ENPP7: variants seen among roughly 807,000 people sequenced by gnomAD.
ENPP7 encodes ectonucleotide pyrophosphatase/phosphodiesterase 7.
In ENPP7, 39 loss-of-function variants were observed where a neutral mutation model predicts 33.6. The observed-to-expected ratio is 1.16, with a 90% CI of 0.90 to 1.52. The LOEUF (loss-of-function observed/expected upper bound fraction) is 1.52, where lower values mean the gene tolerates loss of function less well. Among genes scored for constraint, ENPP7 ranks in the 40% most tolerant of loss-of-function variants. The pLI is 0.00. For missense variants in ENPP7, 594 were observed against 641.0 expected (o/e 0.93, Z 0.79); for synonymous variants, 244 against 274.3 (o/e 0.89, Z 1.09).
chr17:79,732,128 A>ATG (rs1568485066), intron 1 of ENPP7, among the ~76,000 whole-genome samples: 14 of 24,208 alleles, frequency 5.8e-4, no homozygotes, highest in South Asian at 1.2e-3. Flanking sequence ...ATACATATAT[A>ATG]TATGTATATA....
Position 79,730,949 on chromosome 17 carries a change from G to A in ENPP7, c.-191G>A, listed in dbSNP as rs1443635263. 3.3e-5 allele frequency: 20 copies of A among 613,356 alleles called. No homozygotes were observed. The highest frequency in any genetic ancestry group is 8.2e-5 in the South Asian group (4 of 48,680). 38.0% of individuals were successfully genotyped at this position (613,356 alleles called of 1,614,324 possible). ...CTCAAGTTGATGCCACCCCACGCAC[G>A]TGAGGCTGGGACCAGGGGTGGCACT... is the stretch of plus-strand genomic sequence containing the variant. On this transcript the variant is annotated 5_prime_UTR_variant, in exon 1 of 6. It adds an upstream start codon to the 5' untranslated region. Transcript: ENST00000328313.
In ENPP7 at chr17:79,738,855, C is replaced by T. The variant is rs1385187454; in HGVS notation, c.*16+793C>T. The T allele has an allele frequency of 6.6e-6, 1 of 152,130 alleles. No individual in the cohort carries two copies. The highest frequency in any genetic ancestry group is 1.5e-5 in the Non-Finnish European group (1 of 68,090). 9.4% of individuals were successfully genotyped at this position (152,130 alleles called of 1,614,324 possible). A position where few individuals can be genotyped will look rare whatever the true frequency, so the allele number is the denominator to read the frequency against. On this transcript the variant is annotated intron_variant, in intron 5 of 5. Coordinates refer to ENST00000328313, the MANE Select transcript of ENPP7 (RefSeq NM_178543.5). This position sits in a 1 kb window ranked among gnomAD's most constrained non-coding sequence, Gnocchi z 6.2. ...GCAGAAGAAAGTCATTCATTCATCC[C>T]GAAAATATGTAACGGGAGCCAGCTC...
intron 5 of ENPP7, among the ~76,000 whole-genome samples, chr17:79,741,396 C>T (rs1555824532): frequency 6.6e-6 from 1 of 152,222 alleles, no homozygotes; most frequent in Non-Finnish European, 1.5e-5. Flanking sequence ...ACAGAGTCCT[C>T]CTTCCCCAGC....
At chr17:79,731,467 A>G in intron 1 of ENPP7, 75 bp downstream of exon 1, 5 of 1,502,854 alleles carry the variant, frequency 3.3e-6, no homozygotes, top group Non-Finnish European at 4.5e-6. Context: ...CGTGTCGTGC[A>G]GGATAAAGGG....
intron 1 of ENPP7, 53 bp downstream of exon 1, chr17:79,731,445 A>T (rs1217887239): frequency 2.2e-5 from 34 of 1,567,016 alleles, no homozygotes; most frequent in Non-Finnish European, 2.9e-5. Flanking sequence ...GAGAAACCAG[A>T]TGGCACAGAG....
rs373623764 is a variant in ENPP7, at chr17:79,731,274, C to G, written c.135C>G (p.Tyr45Ter). 1.4e-5 allele frequency: 23 copies of G among 1,613,808 alleles called. No homozygotes were observed. Among genetic ancestry groups the G allele is most frequent in the Admixed American group, 1.7e-5 (1 of 60,000 alleles). Residue 45 changes from tyrosine to a stop codon, truncating the protein, a stop_gained, in exon 1 of 6, where the codon TAC becomes TAG. Transcript: ENST00000328313. LOFTEE classifies it high-confidence loss of function. ...CCTTCGACGGCTTCCGCTGGAACTA[C>G]GACCAGGACGTGGACACCCCCAACC... ...LVSFDGFRWN[Y>*]DQDVDTPNLD...
chr17:79,734,052 C>T (rs1414146987), intron 2 of ENPP7, among the ~76,000 whole-genome samples: 1 of 152,178 alleles, frequency 6.6e-6, no homozygotes, highest in African/African-American at 2.4e-5. Flanking sequence ...ACGACTTTCT[C>T]CCTTTCCACA....
chr17:79,731,416 C>T (rs372093473), intron 1 of ENPP7, 24 bp downstream of exon 1: 2 of 1,592,196 alleles, frequency 1.3e-6, no homozygotes, highest in South Asian at 1.1e-5. Context: ...TGTGACGGGG[C>T]CTGGGGGTGG....
intron 5 of ENPP7, 114 bp from the exon 6 acceptor site, chr17:79,741,680 A>G (rs1555824640): frequency 1.7e-5 from 1 of 58,090 alleles, no homozygotes; most frequent in East Asian, 1.7e-3. Flanking sequence ...CCTGTTTCCC[A>G]CGACCCCTCC....
rs1598203668 is a variant in ENPP7, at chr17:79,738,104, C to A, written c.*16+42C>A. On this transcript the variant is annotated intron_variant, in intron 5 of 5. Transcript: ENST00000328313. This position sits in a 1 kb window ranked among gnomAD's most constrained non-coding sequence, Gnocchi z 6.2. ...GCAGAGGCGGGAGGGTGGCCCCACG[C>A]TCCCTGACCCTCCACCCTGATGTCC... 1 of 1,580,156 alleles carries A rather than the reference C, an allele frequency of 6.3e-7. No individual in the cohort carries two copies. Among genetic ancestry groups the A allele is most frequent in the Non-Finnish European group, 8.6e-7 (1 of 1,164,812 alleles).
chr17:79,737,841 C>A lies in ENPP7; in HGVS notation c.1247-75C>A. On this transcript the variant is annotated intron_variant, in intron 4 of 5. Coordinates refer to ENST00000328313, the MANE Select transcript of ENPP7 (RefSeq NM_178543.5). This position sits in a 1 kb window ranked among gnomAD's most constrained non-coding sequence, Gnocchi z 5.5. ...GGGGCTCGTGGGGACCAACAGAGGACCCCGAGTTTACTGTGGAGAGGCTGG... is the reference window on the plus strand; with the variant it reads ...GGGGCTCGTGGGGACCAACAGAGGAACCCGAGTTTACTGTGGAGAGGCTGG... The A allele has an allele frequency of 1.3e-6, 2 of 1,541,838 alleles. No individual in the cohort carries two copies. Among genetic ancestry groups the A allele is most frequent in the Non-Finnish European group, 1.8e-6 (2 of 1,123,008 alleles).
chr17:79,735,694 C>A lies in ENPP7; in HGVS notation c.1026+25C>A. 1 of 1,578,130 alleles carries A rather than the reference C, an allele frequency of 6.3e-7. No homozygotes were observed. Among genetic ancestry groups the A allele is most frequent in the East Asian group, 2.3e-5 (1 of 44,404 alleles). Reference sequence around the variant, plus strand: ...GGTGAGTCGCCTGCTGGAGGCACCACCTCCAGGGGCTCCCTCCCCAGGCTC... The same window carrying A: ...GGTGAGTCGCCTGCTGGAGGCACCAACTCCAGGGGCTCCCTCCCCAGGCTC... On this transcript the variant is annotated intron_variant, in intron 3 of 5. Coordinates refer to ENST00000328313, the MANE Select transcript of ENPP7 (RefSeq NM_178543.5). The surrounding 1 kb of genome is among the most constrained non-coding windows in gnomAD (Gnocchi z 5.5).
At chr17:79,736,521 G>A (rs1555823604) in intron 3 of ENPP7, among the ~76,000 whole-genome samples, 3 of 150,662 alleles carry the variant, frequency 2.0e-5, no homozygotes, top group Admixed American at 6.6e-5. Context: ...TCATGACCAG[G>A]CACTGTGTGA....
rs927452463 is a variant in ENPP7 at position 79,741,128 on chromosome 17, G to C, written c.*17-666G>C. 2.0e-5 allele frequency among the ~76,000 whole-genome samples: 3 copies of C among 151,992 alleles called. No homozygotes were observed. The South Asian group carries it at 6.2e-4, about 32-fold the overall frequency. Reference sequence around the variant, plus strand: ...GCCTCCTGAGTAGCTGAGACTACAGGTGTGCACCACCATGCCCAACTAATT... The same window carrying C: ...GCCTCCTGAGTAGCTGAGACTACAGCTGTGCACCACCATGCCCAACTAATT... On this transcript the variant is annotated intron_variant, in intron 5 of 5. Coordinates refer to ENST00000328313, the MANE Select transcript of ENPP7 (RefSeq NM_178543.5).
chr17:79,738,426 C>T lies in ENPP7; in HGVS notation c.*16+364C>T, dbSNP rs1018888029. 5.7e-5 allele frequency: 13 copies of T among 227,918 alleles called. No individual in the cohort carries two copies. Among genetic ancestry groups the T allele is most frequent in the African/African-American group, 8.8e-5 (4 of 45,238 alleles). The allele number at this position is 227,918 out of a possible 1,614,324, so 14.1% of individuals were successfully genotyped here. A position where few individuals can be genotyped will look rare whatever the true frequency, so the allele number is the denominator to read the frequency against. On this transcript the variant is annotated intron_variant, in intron 5 of 5. Coordinates refer to ENST00000328313, the MANE Select transcript of ENPP7 (RefSeq NM_178543.5). This position sits in a 1 kb window ranked among gnomAD's most constrained non-coding sequence, Gnocchi z 6.2. ...GGGATAGCTCGGAAACCGTCACCTG[C>T]GGTGCATTTGGGAGGAGAGCTCTGG...
rs782250551 is a variant in ENPP7, at chr17:79,731,275, G to A, written c.136G>A (p.Asp46Asn). 1.1e-5 allele frequency: 17 copies of A among 1,613,878 alleles called. No individual in the cohort carries two copies. Among genetic ancestry groups the A allele is most frequent in the South Asian group, 5.5e-5 (5 of 91,054 alleles). ...CTTCGACGGCTTCCGCTGGAACTACGACCAGGACGTGGACACCCCCAACCT... is the reference window on the plus strand; with the variant it reads ...CTTCGACGGCTTCCGCTGGAACTACAACCAGGACGTGGACACCCCCAACCT... The part of the protein sequence containing the change: ...VSFDGFRWNY[D>N]QDVDTPNLDA... Residue 46 changes from aspartate to asparagine, a missense_variant, in exon 1 of 6, where the codon GAC becomes AAC. Transcript: ENST00000328313.
At position 79,735,291 on chromosome 17, in the gene ENPP7, G is replaced by C; in HGVS notation, c.648G>C (p.Val216=). ...AGTCCCCGGAGAGGAGGGAGATGGT[G>C]CGGCAGGTGGACCGGACCGTGGGCT... ...GPESPERREM[V]RQVDRTVGYL... Residue 216 remains valine (V), a synonymous_variant, in exon 3 of 6, where the codon GTG becomes GTC. Transcript: ENST00000328313. This position sits in a 1 kb window ranked among gnomAD's most constrained non-coding sequence, Gnocchi z 5.5. The C allele has an allele frequency of 5.6e-6, 9 of 1,613,340 alleles. No homozygotes were observed. The highest frequency in any genetic ancestry group is 7.6e-6 in the Non-Finnish European group (9 of 1,180,008).
Position 79,737,791 on chromosome 17 carries a change from C to T in ENPP7, c.1247-125C>T, listed in dbSNP as rs1213785958. On this transcript the variant is annotated intron_variant, in intron 4 of 5. Transcript: ENST00000328313. The surrounding 1 kb of genome is among the most constrained non-coding windows in gnomAD (Gnocchi z 5.5). The stretch of plus-strand genomic sequence containing the variant: ...CCGTGGTGGACAAAGGCCATGGGAC[C>T]AAGGGGGCGGTGAAAGAGGAAGGAG... 7.5e-6 allele frequency: 8 copies of T among 1,061,816 alleles called. No homozygotes were observed. The South Asian group carries it at 9.8e-5, about 13-fold the overall frequency. The allele number at this position is 1,061,816 out of a possible 1,614,324, so 65.8% of individuals were successfully genotyped here. A position where few individuals can be genotyped will look rare whatever the true frequency, so the allele number is the denominator to read the frequency against.
At position 79,739,972 on chromosome 17, in the gene ENPP7, G is replaced by T. The variant is rs1159976792; in HGVS notation, c.*17-1822G>T. Among the ~76,000 whole-genome samples the T allele has an allele frequency of 6.6e-6, 1 of 152,194 alleles. No individual in the cohort carries two copies. The highest frequency in any genetic ancestry group is 2.4e-5 in the African/African-American group (1 of 41,446). On this transcript the variant is annotated intron_variant, in intron 5 of 5. Transcript: ENST00000328313. The surrounding 1 kb of genome is among the most constrained non-coding windows in gnomAD (Gnocchi z 4.4). ...TTCCAGAGGCCGACGCAGGAGGATC[G>T]CTTGAGCCCAGGAGTTCAAGACCAG...
Sources: gnomAD v4.1 joint callset for allele counts (sites outside exome capture counted in the v4.1 genomes callset) on GRCh38, gnomAD v4.1.1 for gene constraint, Gnocchi (gnomAD v3.1) non-coding constraint, MANE v1.5 for transcripts, NCBI Gene and HGNC (gene_info 2026-07-23, HGNC 2026-07-21) for gene names.